Variants in SLC25A12 observed in about 807,000 individuals in gnomAD.
SLC25A12 encodes the protein electrogenic aspartate/glutamate antiporter SLC25A12, mitochondrial.
In SLC25A12, 32 loss-of-function variants were observed where a neutral mutation model predicts 83.3. The ratio of observed to expected loss-of-function variants is 0.38; its 90% CI spans 0.29 to 0.52. SLC25A12 has a LOEUF of 0.52. Ranked by LOEUF, SLC25A12 falls within the 20% of genes least tolerant of loss-of-function variation. The pLI is 0.84. For synonymous variants in SLC25A12, 267 were observed against 291.1 expected (o/e 0.92, Z 0.84); for missense variants, 611 against 835.6 (o/e 0.73, Z 3.31).
At chr2:171,874,175 G>A (rs1178372595) in intron 2 of SLC25A12, among the ~76,000 whole-genome samples, 3 of 152,092 alleles carry the variant, frequency 2.0e-5, no homozygotes, top group African/African-American at 7.2e-5. Flanking sequence ...GCGGTGAGCC[G>A]AGATCGCACC....
At chr2:171,885,375 T>A (rs181069505) in intron 2 of SLC25A12, among the ~76,000 whole-genome samples, 8 of 151,658 alleles carry the variant, frequency 5.3e-5, no homozygotes, top group East Asian at 2.0e-4. Context: ...TTATGTTAAA[T>A]ACTTTCTAAA....
In SLC25A12 at chr2:171,834,851, A is replaced by G. The variant is rs763384899; in HGVS notation, c.627T>C (p.Ser209=). Reference sequence around the variant, plus strand: ...AGGAGAAGCTAACCTGGTGTGAGATACTTCCTCCAGCTGCCTAGAAAATGA... The same window carrying G: ...AGGAGAAGCTAACCTGGTGTGAGATGCTTCCTCCAGCTGCCTAGAAAATGA... The part of the protein sequence containing the change: ...EENLVSAAGG[S]ISHQVSFSYF... Residue 209 remains serine, a synonymous_variant, in exon 7 of 18, where the codon AGT becomes AGC. Coordinates refer to ENST00000422440, the MANE Select transcript of SLC25A12 (RefSeq NM_003705.5). The G allele has an allele frequency of 6.2e-7, 1 of 1,613,924 alleles. No homozygotes were observed. Among genetic ancestry groups the G allele is most frequent in the African/African-American group, 1.3e-5 (1 of 75,070 alleles).
intron 12 of SLC25A12, 117 bp downstream of exon 12, chr2:171,810,107 C>T (rs1002775648): frequency 1.2e-5 from 10 of 856,836 alleles, no homozygotes; most frequent in Non-Finnish European, 1.8e-5. Context: ...GTGATCCTCC[C>T]ACCACCCAAA....
chr2:171,848,408 T>C, intron 4 of SLC25A12: 1 of 387,026 alleles, frequency 2.6e-6, no homozygotes, highest in Non-Finnish European at 5.3e-6. Flanking sequence ...CAAACATTCT[T>C]ATTGTCAGGG....
chr2:171,894,087 G>C, intron 1 of SLC25A12, 116 bp downstream of exon 1: 1 of 1,392,998 alleles, frequency 7.2e-7, no homozygotes, highest in Non-Finnish European at 9.9e-7. Flanking sequence ...CGGAGCCCCA[G>C]GACAAGCTAT....
chr2:171,833,936 A>G (rs2105885896), intron 8 of SLC25A12, 27 bp downstream of exon 8: 1 of 1,297,490 alleles, frequency 7.7e-7, no homozygotes, highest in Non-Finnish European at 1.1e-6. Flanking sequence ...TATAATAAAT[A>G]TCATGAAGAA....
At chr2:171,871,262 C>G (rs1468893964) in intron 2 of SLC25A12, among the ~76,000 whole-genome samples, 2 of 151,960 alleles carry the variant, frequency 1.3e-5, no homozygotes, top group Non-Finnish European at 2.9e-5. Flanking sequence ...CTATATCAGC[C>G]TGCATAAGAA....
intron 4 of SLC25A12, among the ~76,000 whole-genome samples, chr2:171,847,597 G>C (rs2105898148): frequency 6.6e-6 from 1 of 152,188 alleles, no homozygotes; most frequent in Admixed American, 6.5e-5. Context: ...TTTTTGCCAT[G>C]TTTAAGAATG....
intron 4 of SLC25A12, among the ~76,000 whole-genome samples, chr2:171,855,201 T>A (rs1347941840): frequency 6.6e-6 from 1 of 152,226 alleles, no homozygotes; most frequent in Non-Finnish European, 1.5e-5. Flanking sequence ...AAAGTATCTT[T>A]AATATATGGT....
chr2:171,885,894 C>T (rs947483061), intron 2 of SLC25A12, among the ~76,000 whole-genome samples: 4 of 152,190 alleles, frequency 2.6e-5, no homozygotes, highest in Admixed American at 6.5e-5. Context: ...AAATTACTCA[C>T]TTGCTCAAAG....
intron 6 of SLC25A12, 133 bp downstream of exon 6, chr2:171,836,988 C>A: frequency 1.3e-6 from 1 of 787,160 alleles, no homozygotes; most frequent in Non-Finnish European, 2.1e-6. Flanking sequence ...ACACACAAAC[C>A]TGTTTACTTT....
intron 13 of SLC25A12, among the ~76,000 whole-genome samples, chr2:171,801,907 C>CTG (rs3058854): frequency 0.044 from 6,374 of 145,416 alleles, 255 homozygotes; most frequent in African/African-American, 0.12. Flanking sequence ...ATATCTGGAT[C>CTG]TGTGTGTGTG....
At chr2:171,836,458 T>C (rs548649159) in intron 6 of SLC25A12, among the ~76,000 whole-genome samples, 2 of 152,296 alleles carry the variant, frequency 1.3e-5, no homozygotes, top group Non-Finnish European at 2.9e-5. Flanking sequence ...GATTACTTTA[T>C]AGAGATTAGC....
chr2:171,848,090 C>T, intron 4 of SLC25A12: 1 of 445,868 alleles, frequency 2.2e-6, no homozygotes, highest in South Asian at 1.6e-5. Context: ...TGTGTCTCCC[C>T]ATCTCATCCA....
chr2:171,840,201 T>C (rs978495649), intron 5 of SLC25A12, among the ~76,000 whole-genome samples: 2 of 151,992 alleles, frequency 1.3e-5, no homozygotes, highest in Non-Finnish European at 2.9e-5. Flanking sequence ...CTAGGCAACA[T>C]GGCAAAACCC....
intron 2 of SLC25A12, among the ~76,000 whole-genome samples, chr2:171,892,712 C>G (rs1228769439): frequency 1.3e-5 from 1 of 79,964 alleles, no homozygotes; most frequent in African/African-American, 3.5e-5. Flanking sequence ...TAAGAGGTAA[C>G]ATTTTGGGGT....
At chr2:171,824,185 C>A (rs188501333) in intron 9 of SLC25A12, among the ~76,000 whole-genome samples, 12 of 152,330 alleles carry the variant, frequency 7.9e-5, no homozygotes, top group Admixed American at 2.0e-4. Flanking sequence ...CTTGAGGCCA[C>A]CCATCCCAGC....
intron 13 of SLC25A12, among the ~76,000 whole-genome samples, chr2:171,795,681 A>T (rs1233311687): frequency 6.6e-6 from 1 of 152,144 alleles, no homozygotes; most frequent in East Asian, 1.9e-4. Context: ...AAATGTGGAC[A>T]TTATGTTTAA....
chr2:171,787,938 G>C lies in SLC25A12; in HGVS notation c.1595C>G (p.Ala532Gly). 1.2e-6 allele frequency: 2 copies of C among 1,614,228 alleles called. No homozygotes were observed. The highest frequency in any genetic ancestry group is 1.7e-6 in the Non-Finnish European group (2 of 1,180,036). Residue 532 changes from alanine to glycine, a missense_variant, in exon 16 of 18, where the codon GCT becomes GGT. This residue lies in a region of SLC25A12 where 540 missense variants were observed against 777.5 expected (regional missense o/e 0.69). Coordinates refer to ENST00000422440, the MANE Select transcript of SLC25A12 (RefSeq NM_003705.5). ...LAAGAMAGVP[A>G]ASLVTPADVI... is the part of the protein sequence containing the mutation. ...ATCAGCAGGGGTCACCAGAGATGCA[G>C]CTGGGACACCTTTCAGGAGAAAACC... is the stretch of plus-strand genomic sequence containing the variant.
Sources: allele counts gnomAD v4.1 joint callset (sites outside exome capture counted in the v4.1 genomes callset), GRCh38; gene constraint gnomAD v4.1.1; regional missense constraint gnomAD v4.1.1; transcripts MANE v1.5; gene names NCBI Gene and HGNC (gene_info 2026-07-23, HGNC 2026-07-21).